The following PCDH10 variants were observed in gnomAD, a reference collection of about 807,000 sequenced individuals.
PCDH10 encodes the protein protocadherin 10, also known as protocadherin-10.
PCDH10 carries 15 observed loss-of-function variants against 74.4 expected under a neutral mutation model. The ratio of observed to expected loss-of-function variants is 0.20; its 90% CI spans 0.13 to 0.31. The LOEUF (loss-of-function observed/expected upper bound fraction) is 0.31. Among genes scored for constraint, PCDH10 ranks in the 10% least tolerant of loss-of-function variants. The pLI is 1.00. For synonymous variants in PCDH10, 619 were observed against 589.8 expected, an observed-to-expected ratio of 1.05 and a Z score of -0.72; for missense variants, 1,260 against 1,390.2, an observed-to-expected ratio of 0.91 and a Z score of 1.49.
intron 4 of PCDH10, among the ~76,000 whole-genome samples, chr4:133,183,556 G>A (rs893487865): frequency 6.6e-6 from 1 of 152,126 alleles, no homozygotes. Flanking sequence ...GCATAGCAAT[G>A]AAATTTGGTT....
intron 4 of PCDH10, among the ~76,000 whole-genome samples, chr4:133,169,253 C>A (rs1381350473): frequency 6.6e-6 from 1 of 151,508 alleles, no homozygotes; most frequent in African/African-American, 2.4e-5. Context: ...TCACTTTTTT[C>A]TTTATTTAAT....
rs1003049484 is a variant in PCDH10, at chr4:133,165,125, A to C, written c.3103+1843A>C. Among the ~76,000 whole-genome samples, 4 of 149,578 alleles carry C rather than the reference A, an allele frequency of 2.7e-5. 1 individual carries two copies. The highest frequency in any genetic ancestry group is 9.8e-5 in the African/African-American group (4 of 40,986). On this transcript the variant is annotated intron_variant, in intron 4 of 4. Transcript: ENST00000264360. ...GAATATACATATGTTGGAATGAGTT[A>C]GTTTTTAATTGTAGTTTTTTTCCCT...
intron 1 of PCDH10, 37 bp from the exon 2 acceptor site, chr4:133,154,270 C>T (rs528752362): frequency 7.3e-7 from 1 of 1,369,710 alleles, no homozygotes; most frequent in Non-Finnish European, 1.0e-6. Context: ...CAACCCATAG[C>T]ATTCAAATGC....
chr4:133,152,822 C>A, intron 1 of PCDH10, 51 bp downstream of exon 1: 1 of 1,609,558 alleles, frequency 6.2e-7, no homozygotes, highest in Non-Finnish European at 8.5e-7. Flanking sequence ...CATCAGAAAG[C>A]CTCCTCTAGC....
At chr4:133,158,936 A>C (rs1020110881) in intron 3 of PCDH10, among the ~76,000 whole-genome samples, 2 of 152,014 alleles carry the variant, frequency 1.3e-5, no homozygotes, top group Admixed American at 6.6e-5. Context: ...GTAGGGAGAA[A>C]ATTTTGATGG....
At position 133,152,031 on chromosome 4, in the gene PCDH10, A is replaced by G. The variant is rs772188517; in HGVS notation, c.1891A>G (p.Met631Val). Residue 631 changes from methionine (M) to valine (V), a missense_variant, in exon 1 of 5, where the codon ATG (methionine) becomes GTG (valine). This residue lies in a region of PCDH10 where 587 missense variants were observed against 616.9 expected (regional missense o/e 0.95). Coordinates refer to ENST00000264360, the MANE Select transcript of PCDH10 (RefSeq NM_032961.3). Reference sequence around the variant, plus strand: ...TGGCAACGAAATGAACCTCTTTCGCATGGACTGGCGCACCGGGGAGCTGCG... The same window carrying G: ...TGGCAACGAAATGAACCTCTTTCGCGTGGACTGGCGCACCGGGGAGCTGCG... Reference protein sequence around the residue: ...VRGNEMNLFRMDWRTGELRTA... With the variant: ...VRGNEMNLFRVDWRTGELRTA... 8.1e-6 allele frequency: 13 copies of G among 1,612,384 alleles called. No individual in the cohort carries two copies. The African/African-American group carries it at 1.3e-4, about 17-fold the overall frequency.
chr4:133,150,818 C>G lies in PCDH10; in HGVS notation c.678C>G (p.Pro226=), dbSNP rs375190136. The G allele has an allele frequency of 1.2e-4, 192 of 1,588,200 alleles. 1 individual carries two copies. The highest frequency in any genetic ancestry group is 5.1e-4 in the Middle Eastern group (3 of 5,940). ...GTGGCGGGGGAGCAGGCCTGCCCCC[C>G]CAGCAGCAGCGCACCGGCACGGCCC... ...GGGGGGAGLP[P]QQQRTGTALL... is the part of the protein sequence containing the mutation. Residue 226 remains proline, a synonymous_variant, in exon 1 of 5, where the codon CCC becomes CCG. Transcript: ENST00000264360.
chr4:133,201,799 T>A (rs1036366876), intron 2 of PCDH10, among the ~76,000 whole-genome samples: 2 of 133,540 alleles, frequency 1.5e-5, no homozygotes, highest in Non-Finnish European at 3.0e-5. Context: ...GAGGTTGCAG[T>A]GAGCTGAGAT....
In PCDH10 at chr4:133,150,055, T is replaced by A; in HGVS notation, c.-86T>A. 1 of 1,447,530 alleles carries A rather than the reference T, an allele frequency of 6.9e-7. No homozygotes were observed. Among genetic ancestry groups the A allele is most frequent in the Non-Finnish European group, 9.1e-7 (1 of 1,099,318 alleles). The allele number at this position is 1,447,530 out of a possible 1,614,324, so 89.7% of individuals were successfully genotyped here. A position where few individuals can be genotyped will look rare whatever the true frequency, so the allele number is the denominator to read the frequency against. On this transcript the variant is annotated 5_prime_UTR_variant, in exon 1 of 5. Coordinates refer to ENST00000264360, the MANE Select transcript of PCDH10 (RefSeq NM_032961.3). ...CGTAGCGCACTTTTATTTGTATTTT[T>A]TCAGATTTTTTTTTGTTTCGTGGTG...
intron 1 of PCDH10, chr4:133,153,522 A>G (rs1427165898): frequency 2.0e-5 from 3 of 152,324 alleles, no homozygotes; most frequent in Non-Finnish European, 2.9e-5. Context: ...TGGATAAATC[A>G]CGCTGTTGGC....
At chr4:133,195,940 C>A (rs910197353), downstream of PCDH10, among the ~76,000 whole-genome samples, 1 of 152,076 alleles carries the variant, frequency 6.6e-6, no homozygotes, top group Non-Finnish European at 1.5e-5. Flanking sequence ...CAAATTTAAA[C>A]TTATTTAATG....
Position 133,152,536 on chromosome 4 carries a change from C to T in PCDH10, c.2396C>T (p.Pro799Leu), listed in dbSNP as rs765969812. 1.2e-5 allele frequency: 19 copies of T among 1,614,104 alleles called. No individual in the cohort carries two copies. The highest frequency in any genetic ancestry group is 1.5e-5 in the Non-Finnish European group (18 of 1,180,004). The change falls in exon 1 of 5, where the codon CCG (proline) becomes CTG (leucine). Residue 799 changes from proline (P) to leucine (L), a missense_variant. Around this residue, in one of 11 missense-constraint regions of PCDH10, gnomAD observed 587 missense variants for 616.9 expected, o/e 0.95. Coordinates refer to ENST00000264360, the MANE Select transcript of PCDH10 (RefSeq NM_032961.3). ...CAGAGCTCCAATGTACCCAGTAACCCGGCCCAGGTGCCGATAGAGGAGTCC... is the reference window on the plus strand; with the variant it reads ...CAGAGCTCCAATGTACCCAGTAACCTGGCCCAGGTGCCGATAGAGGAGTCC... ...LVQSSNVPSN[P>L]AQVPIEESGG...
intron 2 of PCDH10, 136 bp downstream of exon 2, chr4:133,154,501 T>C: frequency 1.7e-6 from 1 of 582,068 alleles, no homozygotes; most frequent in Non-Finnish European, 3.0e-6. Flanking sequence ...ATATGAACTA[T>C]ATTGTGTTTC....
chr4:133,197,042 C>A (rs1727809147), downstream of PCDH10, among the ~76,000 whole-genome samples: 1 of 152,172 alleles, frequency 6.6e-6, no homozygotes, highest in African/African-American at 2.4e-5. Context: ...ATCCACTCAT[C>A]AGCTCAGTTC....
At chr4:133,159,300 G>A (rs1255955644) in intron 3 of PCDH10, among the ~76,000 whole-genome samples, 1 of 152,040 alleles carries the variant, frequency 6.6e-6, no homozygotes, top group African/African-American at 2.4e-5. Context: ...TACAGGACAA[G>A]TTACTTGCCA....
chr4:133,204,368 T>C (rs537892583), intron 2 of PCDH10, among the ~76,000 whole-genome samples: 8 of 152,202 alleles, frequency 5.3e-5, no homozygotes, highest in Admixed American at 2.0e-4. Context: ...GTCACTACGT[T>C]AGATGCTGTA....
At chr4:133,166,022 A>C (rs948431889) in intron 4 of PCDH10, among the ~76,000 whole-genome samples, 5 of 151,728 alleles carry the variant, frequency 3.3e-5, no homozygotes, top group Non-Finnish European at 7.4e-5. Context: ...ATTTAATAAA[A>C]GGAGACTTTT....
At chr4:133,199,787 C>CTATTATTATTATTAT (rs200419038) in intron 2 of PCDH10, among the ~76,000 whole-genome samples, 1 of 135,706 alleles carries the variant, frequency 7.4e-6, no homozygotes, top group Non-Finnish European at 1.5e-5. Context: ...ATTATTATTA[C>CTATTATTATTATTAT]TATTATTATT....
At chr4:133,204,318 C>T (rs1213984437) in intron 2 of PCDH10, among the ~76,000 whole-genome samples, 1 of 152,126 alleles carries the variant, frequency 6.6e-6, no homozygotes, top group Non-Finnish European at 1.5e-5. Context: ...TGTACAGTCA[C>T]AGTTAACATC....
Sources: gnomAD v4.1 joint callset for allele counts (sites outside exome capture counted in the v4.1 genomes callset) on GRCh38, gnomAD v4.1.1 for gene constraint, gnomAD v4.1.1 regional missense constraint, MANE v1.5 for transcripts, NCBI Gene and HGNC (gene_info 2026-07-23, HGNC 2026-07-21) for gene names.